Variants in AARS1 observed in about 807,000 individuals in gnomAD.
The protein encoded by AARS1 is alanine--tRNA ligase, cytoplasmic.
Under a neutral mutation model 108.9 loss-of-function variants are expected in AARS1, and 72 were observed. The ratio of observed to expected loss-of-function variants is 0.66; its 90% confidence interval spans 0.55 to 0.80. The LOEUF is 0.80. AARS1 is among the 30% of genes least tolerant of loss of function. The pLI is 0.00. For synonymous variants in AARS1, 489 were observed against 465.7 expected (o/e 1.05, Z -0.64); for missense variants, 1,193 against 1,233.2 (o/e 0.97, Z 0.49).
chr16:70,258,942 T>C, intron 14 of AARS1, 38 bp downstream of exon 14: 1 of 1,582,810 alleles, frequency 6.3e-7, no homozygotes, highest in Non-Finnish European at 8.7e-7. Flanking sequence ...ACAGTGACGG[T>C]GTGGGGAGGG....
intron 2 of AARS1, 143 bp downstream of exon 2, chr16:70,282,477 C>T (rs1960724613): frequency 1.0e-6 from 1 of 980,656 alleles, no homozygotes; most frequent in Non-Finnish European, 1.6e-6. Context: ...TGCAAAGAAA[C>T]TGAGGCCCAT....
In AARS1 at chr16:70,262,472, G is replaced by C. The variant is rs200578293; in HGVS notation, c.1545C>G (p.Phe515Leu). 1.2e-6 allele frequency: 2 copies of C among 1,614,134 alleles called. No individual in the cohort carries two copies. Among genetic ancestry groups the C allele is most frequent in the Non-Finnish European group, 1.7e-6 (2 of 1,180,028 alleles). ...TVMALRREKM[F>L]VEEVSTGQEC... ...CCTGGCCTGTGGACACCTCTTCCAC[G>C]AACATCTTCTCCCTGCGCAGAGCCA... Residue 515 changes from phenylalanine to leucine, a missense_variant, in exon 12 of 21, where the codon TTC becomes TTG. By Grantham distance (22) the Phe-to-Leu change is conservative (BLOSUM62 0). Transcript: ENST00000261772.
At position 70,269,626 on chromosome 16, in the gene AARS1, T is replaced by C; in HGVS notation, c.954A>G (p.Thr318=). Residue 318 remains threonine, a synonymous_variant, in exon 7 of 21, where the codon ACA becomes ACG. Coordinates refer to ENST00000261772, the MANE Select transcript of AARS1 (RefSeq NM_001605.3). ...GTGTGCAGCATACTTACCCACGCCC[T>C]GTGTTGTCAGGCCGGCCACCATCAG... The part of the protein sequence containing the change: ...ALADGGRPDN[T]GRGYVLRRIL... The C allele has an allele frequency of 1.2e-6, 2 of 1,614,046 alleles. No homozygotes were observed. Among genetic ancestry groups the C allele is most frequent in the Non-Finnish European group, 1.7e-6 (2 of 1,180,012 alleles).
intron 1 of AARS1, among the ~76,000 whole-genome samples, chr16:70,287,458 C>T (rs1245453285): frequency 6.7e-6 from 1 of 149,970 alleles, no homozygotes; most frequent in Non-Finnish European, 1.5e-5. Context: ...CTCGCTCTGT[C>T]ACCCAGGCTT....
intron 1 of AARS1, among the ~76,000 whole-genome samples, chr16:70,285,708 C>T (rs1013876144): frequency 1.3e-5 from 2 of 152,150 alleles, no homozygotes; most frequent in African/African-American, 4.8e-5. Context: ...CTCAGCCTCC[C>T]AAAGTGCTAG....
intron 6 of AARS1, 114 bp from the exon 7 acceptor site, chr16:70,269,877 C>A: frequency 7.2e-7 from 1 of 1,397,780 alleles, no homozygotes. Flanking sequence ...GCCGGTCTTG[C>A]CAGATCCTAT....
intron 14 of AARS1, 85 bp downstream of exon 14, chr16:70,258,895 C>T (rs985951789): frequency 6.9e-7 from 1 of 1,442,130 alleles, no homozygotes; most frequent in African/African-American, 1.4e-5. Flanking sequence ...TCTGATACAA[C>T]AGAGTGAGAG....
intron 19 of AARS1, 73 bp from the exon 20 acceptor site, chr16:70,253,454 C>A (rs1959896770): frequency 2.3e-6 from 3 of 1,304,412 alleles, no homozygotes; most frequent in Non-Finnish European, 3.3e-6. Context: ...TTGCAGCCCT[C>A]AGAAGGCCTG....
At chr16:70,256,583 A>G (rs527758303) in intron 15 of AARS1, among the ~76,000 whole-genome samples, 5 of 152,288 alleles carry the variant, frequency 3.3e-5, no homozygotes, top group African/African-American at 1.2e-4. Context: ...TAAAGGCATG[A>G]GGCAACATAC....
rs1018061754 is a variant in AARS1, at chr16:70,265,079, A to C, written c.1371T>G (p.Ala457=). The change falls in exon 11 of 21, where the codon GCT becomes GCG. Residue 457 remains alanine, a synonymous_variant. Transcript: ENST00000261772. ...LAQLKSQGKG[A]GGEDLIMLDI... ...CCAGCATAATGAGGTCTTCCCCACC[A>C]GCTCCCTTGCCCTGTGATTTCAGCT... 5.6e-6 allele frequency: 9 copies of C among 1,614,114 alleles called. No individual in the cohort carries two copies. Among genetic ancestry groups the C allele is most frequent in the Non-Finnish European group, 7.6e-6 (9 of 1,180,032 alleles).
At chr16:70,256,325 G>A (rs1219963629) in intron 15 of AARS1, among the ~76,000 whole-genome samples, 3 of 152,088 alleles carry the variant, frequency 2.0e-5, no homozygotes, top group Non-Finnish European at 4.4e-5. Context: ...TTTGTTTTGA[G>A]ACAGAGTCCT....
In AARS1 at chr16:70,270,222, C is replaced by G; in HGVS notation, c.790G>C (p.Val264Leu). ...TTCTGAATGGCTTCAAAGTAAGGGA[C>G]AAAAAGGTCAGTGTCATAGTTGGAC... The part of the protein sequence containing the change: ...KMSNYDTDLF[V>L]PYFEAIQKGT... The change falls in exon 6 of 21, where the codon GTC (valine) becomes CTC (leucine). Residue 264 changes from valine (V) to leucine (L), a missense_variant. Coordinates refer to ENST00000261772, the MANE Select transcript of AARS1 (RefSeq NM_001605.3). The G allele has an allele frequency of 6.2e-7, 1 of 1,614,138 alleles. No homozygotes were observed. The highest frequency in any genetic ancestry group is 8.5e-7 in the Non-Finnish European group (1 of 1,180,024).
rs747833388 is a variant in AARS1 at position 70,252,761 on chromosome 16, G to T, written c.2867C>A (p.Thr956Asn). 6.2e-7 allele frequency: 1 copy of T among 1,614,088 alleles called. No homozygotes were observed. Among genetic ancestry groups the T allele is most frequent in the African/African-American group, 1.3e-5 (1 of 74,954 alleles). Residue 956 changes from threonine (T) to asparagine (N), a missense_variant, in exon 21 of 21, where the codon ACT becomes AAT. Transcript: ENST00000261772. ...GCLQEALQLA[T>N]SFAQLRLGDV... The stretch of plus-strand genomic sequence containing the variant: ...CCCGAGGCGCAGCTGGGCGAAGGAA[G>T]TGGCCAGCTGCAGCGCCTCCTGCAG...
chr16:70,261,018 A>G (rs2152155686), intron 13 of AARS1, 26 bp downstream of exon 13: 2 of 1,546,984 alleles, frequency 1.3e-6, no homozygotes, highest in Non-Finnish European at 1.8e-6. Context: ...ACCAGATCCA[A>G]TGGGGGCCAC....
chr16:70,277,589 C>T (rs988463716), intron 2 of AARS1, among the ~76,000 whole-genome samples: 1 of 152,164 alleles, frequency 6.6e-6, no homozygotes, highest in African/African-American at 2.4e-5. Context: ...GGAATAATAT[C>T]AGCACACTGA....
At chr16:70,276,697 A>T in intron 3 of AARS1, 66 bp from the exon 4 acceptor site, 1 of 1,525,454 alleles carries the variant, frequency 6.6e-7, no homozygotes, top group South Asian at 1.1e-5. Context: ...GTATGAGACC[A>T]GATGCTAGGA....
intron 1 of AARS1, among the ~76,000 whole-genome samples, chr16:70,287,824 T>C (rs1419319443): frequency 6.6e-6 from 1 of 151,862 alleles, no homozygotes; most frequent in African/African-American, 2.4e-5. Flanking sequence ...AGTGCAATGG[T>C]GCGCAACCTC....
intron 15 of AARS1, among the ~76,000 whole-genome samples, chr16:70,257,627 C>T (rs777544677): frequency 1.6e-4 from 25 of 152,198 alleles, no homozygotes; most frequent in African/African-American, 5.3e-4. Flanking sequence ...CCCCAGATGC[C>T]GCCCAAGCTG....
chr16:70,263,134 G>A (rs529574653), intron 11 of AARS1, among the ~76,000 whole-genome samples: 2 of 152,130 alleles, frequency 1.3e-5, no homozygotes, highest in South Asian at 4.1e-4. Flanking sequence ...TGGGACAATG[G>A]GTTACCCTAA....
Sources: allele counts gnomAD v4.1 joint callset (sites outside exome capture counted in the v4.1 genomes callset), GRCh38; gene constraint gnomAD v4.1.1; transcripts MANE v1.5; gene names NCBI Gene and HGNC (gene_info 2026-07-23, HGNC 2026-07-21).